The following NPAS3 variants were observed in gnomAD, a reference collection of about 807,000 sequenced individuals.
NPAS3 encodes neuronal PAS domain protein 3.
NPAS3 carries 14 observed loss-of-function variants against 73.1 expected under a neutral mutation model. The ratio of observed to expected loss-of-function variants is 0.19; its 90% CI spans 0.13 to 0.30. The LOEUF (loss-of-function observed/expected upper bound fraction) is 0.30. NPAS3 is among the 10% of genes least tolerant of loss of function. The pLI, the probability that NPAS3 is intolerant of heterozygous loss-of-function variation, is 1.00. For missense variants in NPAS3, 1,096 were observed against 1,250.0 expected (o/e 0.88, Z 1.86); for synonymous variants, 620 against 541.5 (o/e 1.14, Z -2.01).
chr14:33,090,302 G>T (rs1323592347), intron 2 of NPAS3, among the ~76,000 whole-genome samples: 2 of 152,182 alleles, frequency 1.3e-5, no homozygotes, highest in East Asian at 3.9e-4. Flanking sequence ...GATGGAGGAA[G>T]ATCTACCAAG....
intron 7 of NPAS3, among the ~76,000 whole-genome samples, chr14:33,753,720 C>T (rs937466556): frequency 9.2e-5 from 14 of 152,154 alleles, no homozygotes; most frequent in African/African-American, 3.4e-4. Context: ...AACAGGCAAA[C>T]ACTATGAGAA....
rs1273154808 is a variant in NPAS3, at chr14:33,537,996, G to GCCCATA, written c.469-22124_469-22119dup. Among the ~76,000 whole-genome samples the GCCCATA allele has an allele frequency of 7.8e-4, 119 of 152,164 alleles. 6 individuals are homozygous for GCCCATA. The highest frequency in any genetic ancestry group is 1.5e-5 in the Non-Finnish European group (1 of 68,034). ...TATCAACAGAGCTTTAGTCTTCCCTGCCCATAAGCTAAGCATCGGGTTGTG... is the reference window on the plus strand; with the variant it reads ...TATCAACAGAGCTTTAGTCTTCCCTGCCCATACCCATAAGCTAAGCATCGGGTTGTG... On this transcript the variant is annotated intron_variant, in intron 4 of 11. Transcript: ENST00000356141.
At chr14:33,722,517 A>G (rs928508381) in intron 6 of NPAS3, among the ~76,000 whole-genome samples, 4 of 152,220 alleles carry the variant, frequency 2.6e-5, no homozygotes, top group African/African-American at 9.6e-5. Flanking sequence ...AATGATGCCT[A>G]CACATATAGT....
chr14:33,332,137 G>C (rs2044013906), intron 3 of NPAS3, among the ~76,000 whole-genome samples: 1 of 152,106 alleles, frequency 6.6e-6, no homozygotes, highest in African/African-American at 2.4e-5. Flanking sequence ...AAGGTTCTGG[G>C]TACTCCAAAC....
intron 4 of NPAS3, among the ~76,000 whole-genome samples, chr14:33,508,630 T>C (rs1302460129): frequency 6.6e-6 from 1 of 151,964 alleles, no homozygotes; most frequent in East Asian, 1.9e-4. Context: ...TCCATTATCC[T>C]CAGAGGGAAT....
intron 2 of NPAS3, among the ~76,000 whole-genome samples, chr14:33,190,690 C>T (rs1471233309): frequency 6.6e-6 from 1 of 152,170 alleles, no homozygotes; most frequent in Non-Finnish European, 1.5e-5. Flanking sequence ...GAAGACACAT[C>T]TGTGGGACTG....
chr14:33,075,121 T>C (rs1260403680), intron 2 of NPAS3, among the ~76,000 whole-genome samples: 1 of 152,178 alleles, frequency 6.6e-6, no homozygotes, highest in Admixed American at 6.5e-5. Flanking sequence ...ATCAACCCAG[T>C]TTTTGTAGGA....
chr14:33,049,497 C>T (rs984019137), intron 1 of NPAS3, among the ~76,000 whole-genome samples: 9 of 152,114 alleles, frequency 5.9e-5, no homozygotes, highest in South Asian at 2.1e-4. Flanking sequence ...ACGTGGATGG[C>T]GGCAGGCAAA....
intron 4 of NPAS3, among the ~76,000 whole-genome samples, chr14:33,406,378 C>T (rs2047667354): frequency 6.6e-6 from 1 of 152,002 alleles, no homozygotes; most frequent in South Asian, 2.1e-4. Flanking sequence ...TTATCAAAAG[C>T]AAAAGAAGAA....
chr14:33,091,221 A>G (rs1016542987), intron 2 of NPAS3, among the ~76,000 whole-genome samples: 14 of 152,208 alleles, frequency 9.2e-5, no homozygotes, highest in African/African-American at 3.4e-4. Flanking sequence ...TGAAAAGATC[A>G]ACAAAATTGA....
intron 2 of NPAS3, among the ~76,000 whole-genome samples, chr14:33,080,085 A>G (rs147369918): frequency 1.3e-5 from 2 of 152,200 alleles, no homozygotes; most frequent in Admixed American, 1.3e-4. Context: ...GAATGGACAT[A>G]TAGTCCAATC....
At chr14:33,082,551 C>T (rs185428762) in intron 2 of NPAS3, among the ~76,000 whole-genome samples, 5 of 152,166 alleles carry the variant, frequency 3.3e-5, no homozygotes, top group African/African-American at 9.6e-5. Flanking sequence ...TATGTTGTGA[C>T]GTTTAGAAGA....
At chr14:33,639,214 G>A (rs562983029) in intron 5 of NPAS3, among the ~76,000 whole-genome samples, 2 of 152,250 alleles carry the variant, frequency 1.3e-5, no homozygotes, top group African/African-American at 2.4e-5. Context: ...AATAGTATAA[G>A]AGCAAAAGCC....
intron 3 of NPAS3, among the ~76,000 whole-genome samples, chr14:33,282,295 ACTGT>A (rs1477172704): frequency 6.6e-6 from 1 of 152,176 alleles, no homozygotes; most frequent in Admixed American, 6.5e-5. Context: ...TAGTAATTAA[ACTGT>A]CTTTTAGCTG....
At chr14:33,323,662 C>G (rs1481306914) in intron 3 of NPAS3, among the ~76,000 whole-genome samples, 1 of 152,218 alleles carries the variant, frequency 6.6e-6, no homozygotes, top group African/African-American at 2.4e-5. Context: ...GTGTCACTTG[C>G]TGTAACACTC....
rs143801461 is a variant in NPAS3 at position 32,970,628 on chromosome 14, C to T, written c.50+31262C>T. On this transcript the variant is annotated intron_variant, in intron 1 of 11. Coordinates refer to ENST00000356141, the Ensembl canonical transcript of NPAS3. The stretch of plus-strand genomic sequence containing the variant: ...ATTCTGGAGGCTAGAATTCTGAGAT[C>T]AAGGTGTCGGGATCATTAATCCCTT... Among the ~76,000 whole-genome samples the T allele has an allele frequency of 5.7e-3, 873 of 152,246 alleles. 11 individuals are homozygous for T. Among genetic ancestry groups the T allele is most frequent in the African/African-American group, 0.02 (818 of 41,538 alleles).
chr14:33,238,306 A>C (rs557629116), intron 3 of NPAS3, among the ~76,000 whole-genome samples: 36 of 152,024 alleles, frequency 2.4e-4, no homozygotes, highest in Non-Finnish European at 5.0e-4. Flanking sequence ...TGTAAATGGA[A>C]AATGATTTAA....
At chr14:33,182,848 T>C (rs2139450067) in intron 2 of NPAS3, among the ~76,000 whole-genome samples, 1 of 152,260 alleles carries the variant, frequency 6.6e-6, no homozygotes, top group South Asian at 2.1e-4. Context: ...GAAACAGCAA[T>C]GAATGCTGAA....
chr14:33,257,632 A>G (rs2048826480), intron 3 of NPAS3, among the ~76,000 whole-genome samples: 1 of 152,188 alleles, frequency 6.6e-6, no homozygotes, highest in Admixed American at 6.5e-5. Context: ...AAAATATTAA[A>G]TAGTGTAAGG....
Sources: gnomAD v4.1 joint callset for allele counts (sites outside exome capture counted in the v4.1 genomes callset) on GRCh38, gnomAD v4.1.1 for gene constraint, MANE v1.5 for transcripts, NCBI Gene and HGNC (gene_info 2026-07-23, HGNC 2026-07-21) for gene names.